WDR7: variants seen among roughly 807,000 people sequenced by gnomAD.
WDR7 encodes WD repeat domain 7.
WDR7 carries 46 observed loss-of-function variants against 169.4 expected under a neutral mutation model. That is an observed-to-expected ratio of 0.27 (90% CI 0.21 to 0.35). The LOEUF (loss-of-function observed/expected upper bound fraction) is 0.35, where lower values mean the gene tolerates loss of function less well. WDR7 is among the 10% of genes least tolerant of loss of function. The probability of loss-of-function intolerance (pLI) is 1.00; values close to 1 mark genes in which losing one functional copy is unlikely to be tolerated. For missense variants in WDR7, 1,534 were observed against 1,859.3 expected, an observed-to-expected ratio of 0.83 and a Z score of 3.22; for synonymous variants, 612 against 666.8, an observed-to-expected ratio of 0.92 and a Z score of 1.27.
intron 21 of WDR7, among the ~76,000 whole-genome samples, chr18:56,898,113 G>T (rs1170364652): frequency 2.0e-5 from 3 of 151,972 alleles, no homozygotes; most frequent in Non-Finnish European, 1.5e-5. Context: ...GGCTTAAAAA[G>T]GATAGGGGCA....
intron 26 of WDR7, among the ~76,000 whole-genome samples, chr18:57,019,374 G>A (rs1221731109): frequency 6.6e-6 from 1 of 152,092 alleles, no homozygotes; most frequent in African/African-American, 2.4e-5. Context: ...TTACAAACAT[G>A]GGTACTCTGC....
chr18:56,924,628 C>T (rs962592992), intron 22 of WDR7, among the ~76,000 whole-genome samples: 3 of 152,132 alleles, frequency 2.0e-5, no homozygotes, highest in African/African-American at 7.2e-5. Flanking sequence ...ACTGAGGGAG[C>T]TGCTAAAGTC....
chr18:56,847,928 C>A (rs749181474), intron 20 of WDR7, among the ~76,000 whole-genome samples: 1 of 152,238 alleles, frequency 6.6e-6, no homozygotes, highest in Non-Finnish European at 1.5e-5. Context: ...GGGGCACAGT[C>A]CCTGCAGGAA....
chr18:56,923,866 AACAATT>A (rs1367859384), intron 21 of WDR7, 50 bp from the exon 22 acceptor site: 5 of 1,431,386 alleles, frequency 3.5e-6, no homozygotes, highest in Non-Finnish European at 3.7e-6. Context: ...CTTCAAAAGA[AACAATT>A]ACAAAAGTAA....
intron 16 of WDR7, among the ~76,000 whole-genome samples, chr18:56,766,975 G>A (rs1031842997): frequency 3.3e-5 from 5 of 152,154 alleles, no homozygotes; most frequent in African/African-American, 1.2e-4. Flanking sequence ...GCCTGTTTGG[G>A]TGCTGGACAC....
intron 6 of WDR7, 47 bp from the exon 7 acceptor site, chr18:56,686,808 A>C (rs375933227): frequency 3.5e-6 from 5 of 1,439,958 alleles, no homozygotes; most frequent in Admixed American, 3.7e-5. Context: ...GATAATTTTA[A>C]TTGACAATCA....
chr18:56,812,260 G>A (rs2044882117), intron 19 of WDR7, among the ~76,000 whole-genome samples: 1 of 152,080 alleles, frequency 6.6e-6, no homozygotes, highest in Non-Finnish European at 1.5e-5. Context: ...AAAAAAATTA[G>A]GTGTCCATTG....
At chr18:56,672,372 A>T in intron 1 of WDR7, 125 bp from the exon 2 acceptor site, 6 of 552,398 alleles carry the variant, frequency 1.1e-5, no homozygotes, top group Non-Finnish European at 1.3e-5. Context: ...ATAAATATTT[A>T]AGTAGCTGTA....
intron 14 of WDR7, among the ~76,000 whole-genome samples, chr18:56,751,464 G>T (rs1027069403): frequency 6.6e-6 from 1 of 152,090 alleles, no homozygotes; most frequent in Non-Finnish European, 1.5e-5. Context: ...AAAGAATTTT[G>T]CAGCTATTTC....
At chr18:56,843,917 C>T (rs1827341800) in intron 20 of WDR7, among the ~76,000 whole-genome samples, 1 of 146,728 alleles carries the variant, frequency 6.8e-6, no homozygotes, top group African/African-American at 2.5e-5. Context: ...GGTTGGAGTG[C>T]AGTGGTACAA....
chr18:56,655,426 A>C (rs1378169480), intron 1 of WDR7, among the ~76,000 whole-genome samples: 5 of 152,008 alleles, frequency 3.3e-5, no homozygotes, highest in South Asian at 2.1e-4. Flanking sequence ...GGAGTTTGAG[A>C]CCAGCAACAT....
At chr18:56,988,857 G>A (rs528675460) in intron 26 of WDR7, among the ~76,000 whole-genome samples, 3 of 152,080 alleles carry the variant, frequency 2.0e-5, no homozygotes, top group South Asian at 2.1e-4. Flanking sequence ...AGGGAGAGGG[G>A]GATGGAGAAA....
At chr18:56,683,957 T>C (rs1246902434) in intron 5 of WDR7, among the ~76,000 whole-genome samples, 2 of 152,158 alleles carry the variant, frequency 1.3e-5, no homozygotes, top group African/African-American at 2.4e-5. Context: ...GACAATGATA[T>C]ATAAACAAAT....
downstream of WDR7, chr18:57,032,374 T>A (rs1479772393): frequency 6.6e-6 from 1 of 152,236 alleles, no homozygotes. Context: ...AATATCTTCT[T>A]GTTCTGACTT....
Position 56,781,569 on chromosome 18 carries a change from C to T in WDR7, c.3103C>T (p.Leu1035=). The change falls in exon 19 of 28, where the codon CTG becomes TTG. Residue 1035 remains leucine, a synonymous_variant. Transcript: ENST00000254442. ...EAAQALLLAE[L]RRIEQAGRKE... ...CGCGCAGGCCCTGCTTCTGGCGGAA[C>T]TGAGAAGAATTGAGCAGGCAGGCAG... The T allele has an allele frequency of 6.2e-7, 1 of 1,612,258 alleles. No individual in the cohort carries two copies.
At chr18:56,797,973 A>G (rs8097753) in intron 19 of WDR7, among the ~76,000 whole-genome samples, 11,430 of 152,142 alleles carry the variant, frequency 0.075, 1,061 homozygotes, top group African/African-American at 0.22. Context: ...TCCACTTTCC[A>G]TCACTACCAT....
chr18:56,873,175 A>C (rs7240219), intron 20 of WDR7, among the ~76,000 whole-genome samples: 9,047 of 152,210 alleles, frequency 0.059, 925 homozygotes, highest in African/African-American at 0.21. Flanking sequence ...AGATTTGAAT[A>C]CTGATAAAAA....
intron 25 of WDR7, among the ~76,000 whole-genome samples, chr18:56,944,438 G>A (rs1041717686): frequency 6.6e-5 from 10 of 152,134 alleles, no homozygotes; most frequent in African/African-American, 1.4e-4. Context: ...TTAAAGTCCC[G>A]TTTATTAATG....
At chr18:56,828,155 A>C (rs1165041959) in intron 20 of WDR7, among the ~76,000 whole-genome samples, 1 of 152,238 alleles carries the variant, frequency 6.6e-6, no homozygotes, top group Non-Finnish European at 1.5e-5. Flanking sequence ...TATACTTTAC[A>C]GATCAAGAAC....
Sources: gnomAD v4.1 joint callset for allele counts (sites outside exome capture counted in the v4.1 genomes callset) on GRCh38, gnomAD v4.1.1 for gene constraint, MANE v1.5 for transcripts, NCBI Gene and HGNC (gene_info 2026-07-23, HGNC 2026-07-21) for gene names.